Variants in ADIPOR2 observed in about 807,000 individuals in gnomAD.
The protein encoded by ADIPOR2 is adiponectin receptor 2.
Under a neutral mutation model 40.9 loss-of-function variants are expected in ADIPOR2, and 18 were observed. The observed-to-expected ratio is 0.44, with a 90% confidence interval of 0.30 to 0.65. The LOEUF (loss-of-function observed/expected upper bound fraction) is 0.65, where lower values mean the gene tolerates loss of function less well. Among genes scored for constraint, ADIPOR2 ranks in the 30% least tolerant of loss-of-function variants. ADIPOR2 has a pLI of 0.09. For missense variants in ADIPOR2, 283 were observed against 479.2 expected (o/e 0.59, Z 3.82); for synonymous variants, 165 against 166.4 (o/e 0.99, Z 0.06).
At chr12:1,752,485 C>T (rs746046792) in intron 1 of ADIPOR2, among the ~76,000 whole-genome samples, 16 of 152,072 alleles carry the variant, frequency 1.1e-4, no homozygotes, top group African/African-American at 3.9e-4. Flanking sequence ...CTGTAGTTTT[C>T]TTGTGATATA....
intron 1 of ADIPOR2, among the ~76,000 whole-genome samples, chr12:1,708,282 G>T (rs1299607700): frequency 1.3e-5 from 2 of 151,686 alleles, no homozygotes; most frequent in African/African-American, 4.8e-5. Flanking sequence ...CTTGAAACCA[G>T]TCCACCAGGG....
chr12:1,763,231 C>T (rs1003717238), intron 2 of ADIPOR2, among the ~76,000 whole-genome samples: 1 of 152,130 alleles, frequency 6.6e-6, no homozygotes. Context: ...TTCACAAGTT[C>T]CCCTATGTGA....
At chr12:1,735,891 T>C (rs2094729450) in intron 1 of ADIPOR2, among the ~76,000 whole-genome samples, 1 of 152,234 alleles carries the variant, frequency 6.6e-6, no homozygotes, top group Non-Finnish European at 1.5e-5. Flanking sequence ...GTATGCTGGA[T>C]TACGTTTATT....
chr12:1,720,117 T>C (rs188863005), intron 1 of ADIPOR2, among the ~76,000 whole-genome samples: 34 of 152,302 alleles, frequency 2.2e-4, no homozygotes, highest in Admixed American at 2.1e-3. Context: ...TGACATATGC[T>C]ATATCAGAAA....
chr12:1,736,512 A>G (rs570488824), intron 1 of ADIPOR2, among the ~76,000 whole-genome samples: 11 of 151,938 alleles, frequency 7.2e-5, no homozygotes, highest in Non-Finnish European at 1.5e-4. Flanking sequence ...TTTCTTCTTT[A>G]TTAGTCTTGC....
At chr12:1,757,483 A>G (rs182241192) in intron 2 of ADIPOR2, 105 of 736,428 alleles carry the variant, frequency 1.4e-4, no homozygotes, top group African/African-American at 8.4e-4. Flanking sequence ...GTCACCATGC[A>G]TAGGTTACCA....
At chr12:1,754,686 TTTA>T (rs139616464) in intron 2 of ADIPOR2, among the ~76,000 whole-genome samples, 172 bp downstream of exon 2, 16,381 of 109,756 alleles carry the variant, frequency 0.15, 986 homozygotes, top group African/African-American at 0.19. Flanking sequence ...GTCTCTTATC[TTTA>T]TTATTATTAT....
At chr12:1,716,420 A>G (rs1280520564) in intron 1 of ADIPOR2, among the ~76,000 whole-genome samples, 3 of 152,236 alleles carry the variant, frequency 2.0e-5, no homozygotes, top group Non-Finnish European at 2.9e-5. Flanking sequence ...GATTAGTAGT[A>G]GTATTGCTGT....
chr12:1,705,990 G>A (rs573027891), intron 1 of ADIPOR2, among the ~76,000 whole-genome samples: 1 of 152,288 alleles, frequency 6.6e-6, no homozygotes, highest in East Asian at 1.9e-4. Context: ...AAGGATTGTT[G>A]GAGATGATAG....
chr12:1,765,134 T>C (rs771293020), intron 2 of ADIPOR2, among the ~76,000 whole-genome samples: 29 of 152,164 alleles, frequency 1.9e-4, no homozygotes, highest in Non-Finnish European at 3.8e-4. Flanking sequence ...CACTACATGA[T>C]ACTCACATTT....
At chr12:1,710,373 T>C (rs1210204477) in intron 1 of ADIPOR2, among the ~76,000 whole-genome samples, 2 of 152,128 alleles carry the variant, frequency 1.3e-5, no homozygotes, top group African/African-American at 4.8e-5. Flanking sequence ...GTCTGCGGCT[T>C]CATTCTTGAA....
chr12:1,730,337 G>T (rs1330430741), intron 1 of ADIPOR2, among the ~76,000 whole-genome samples: 2 of 151,812 alleles, frequency 1.3e-5, no homozygotes, highest in East Asian at 3.9e-4. Flanking sequence ...AGTTGTTCAG[G>T]CCGGGCGCGG....
intron 1 of ADIPOR2, among the ~76,000 whole-genome samples, chr12:1,733,009 C>A (rs77296739): frequency 0.021 from 3,266 of 152,196 alleles, 65 homozygotes; most frequent in East Asian, 0.097. Flanking sequence ...TCTTGATATG[C>A]AGTAAAGTTT....
intron 3 of ADIPOR2, among the ~76,000 whole-genome samples, chr12:1,777,159 A>G (rs975915576): frequency 1.1e-4 from 17 of 152,132 alleles, no homozygotes; most frequent in Non-Finnish European, 2.9e-5. Flanking sequence ...TAGGAATATT[A>G]AATATAAAAA....
intron 1 of ADIPOR2, among the ~76,000 whole-genome samples, chr12:1,731,299 G>A (rs1166911637): frequency 6.6e-6 from 1 of 152,156 alleles, no homozygotes; most frequent in East Asian, 1.9e-4. Flanking sequence ...GCCTCCCAAA[G>A]TTCTGGGAGC....
intron 3 of ADIPOR2, among the ~76,000 whole-genome samples, chr12:1,776,603 A>T (rs112383835): frequency 2.6e-5 from 4 of 152,272 alleles, no homozygotes; most frequent in African/African-American, 9.6e-5. Context: ...AAAGAAGCAG[A>T]GTGCAGAGGT....
rs1280368649 is a variant in ADIPOR2, at chr12:1,768,922, TTAAG to T, written c.172-3918_172-3915del. Reference sequence around the variant, plus strand: ...GTTATTCATAGAAAAACCTGGAGAATTAAGTTTTATGCCTTTATTCTTGGCAGCT... The same window carrying T: ...GTTATTCATAGAAAAACCTGGAGAATTTTTATGCCTTTATTCTTGGCAGCT... On this transcript the variant is annotated intron_variant, in intron 2 of 7. Coordinates refer to ENST00000357103, the MANE Select transcript of ADIPOR2 (RefSeq NM_024551.3). Among the ~76,000 whole-genome samples, 4 of 152,236 alleles carry T rather than the reference TTAAG, an allele frequency of 2.6e-5. 1 individual carries two copies. Among genetic ancestry groups the T allele is most frequent in the African/African-American group, 7.2e-5 (3 of 41,460 alleles).
chr12:1,757,676 T>C (rs1219624731), intron 2 of ADIPOR2: 8 of 1,305,800 alleles, frequency 6.1e-6, no homozygotes, highest in Non-Finnish European at 8.9e-6. Flanking sequence ...TCAGGTGTAA[T>C]AGGATGTACA....
In ADIPOR2 at chr12:1,762,985, T is replaced by C. The variant is rs114135906; in HGVS notation, c.171+8471T>C. Among the ~76,000 whole-genome samples the C allele has an allele frequency of 6.1e-3, 936 of 152,326 alleles. 10 individuals carry two copies. The highest frequency in any genetic ancestry group is 0.021 in the African/African-American group (889 of 41,568). On this transcript the variant is annotated intron_variant, in intron 2 of 7. Coordinates refer to ENST00000357103, the MANE Select transcript of ADIPOR2 (RefSeq NM_024551.3). The stretch of plus-strand genomic sequence containing the variant: ...ATAAGAATTGTGGAAAAAGAGACCC[T>C]GTGATAGGTGATAGTGATCCATTGT...
Sources: allele counts gnomAD v4.1 joint callset (sites outside exome capture counted in the v4.1 genomes callset), GRCh38; gene constraint gnomAD v4.1.1; transcripts MANE v1.5; gene names NCBI Gene and HGNC (gene_info 2026-07-23, HGNC 2026-07-21).